The following SNTB1 variants were observed in gnomAD, a reference collection of about 807,000 sequenced individuals.
The protein encoded by SNTB1 is beta-1-syntrophin.
In SNTB1, 36 loss-of-function variants were observed where a neutral mutation model predicts 48.9. That is an observed-to-expected ratio of 0.74 (90% confidence interval 0.56 to 0.97). SNTB1 has a LOEUF of 0.97. Among genes scored for constraint, SNTB1 ranks in the 50% least tolerant of loss-of-function variants. The probability of loss-of-function intolerance (pLI) is 0.00; values close to 1 mark genes in which losing one functional copy is unlikely to be tolerated. For synonymous variants in SNTB1, 299 were observed against 294.6 expected, an observed-to-expected ratio of 1.01 and a Z score of -0.15; for missense variants, 786 against 703.4, an observed-to-expected ratio of 1.12 and a Z score of -1.33.
chr8:120,588,273 C>T (rs1816181156), intron 3 of SNTB1, among the ~76,000 whole-genome samples: 1 of 152,092 alleles, frequency 6.6e-6, no homozygotes, highest in African/African-American at 2.4e-5. Context: ...CCTAAACTCA[C>T]GGCCTGGCAT....
At chr8:120,546,581 T>G (rs1815384318) in intron 5 of SNTB1, among the ~76,000 whole-genome samples, 1 of 152,138 alleles carries the variant, frequency 6.6e-6, no homozygotes, top group African/African-American at 2.4e-5. Context: ...GTTCAAGCGA[T>G]TTTCCTGCCT....
chr8:120,685,514 A>C (rs1029210053), intron 2 of SNTB1, among the ~76,000 whole-genome samples: 1 of 152,198 alleles, frequency 6.6e-6, no homozygotes, highest in African/African-American at 2.4e-5. Flanking sequence ...AAGGATCAAC[A>C]TAACACAAGG....
At chr8:120,582,339 C>G (rs966384387) in intron 3 of SNTB1, among the ~76,000 whole-genome samples, 1 of 151,842 alleles carries the variant, frequency 6.6e-6, no homozygotes, top group African/African-American at 2.4e-5. Context: ...AGAAAGGATT[C>G]AAGTCAATGG....
At chr8:120,658,728 A>T (rs1332615232) in intron 2 of SNTB1, among the ~76,000 whole-genome samples, 1 of 152,200 alleles carries the variant, frequency 6.6e-6, no homozygotes, top group Non-Finnish European at 1.5e-5. Flanking sequence ...CTCAATGCTG[A>T]TGGCTGCTGA....
chr8:120,547,394 G>C lies in SNTB1; in HGVS notation c.1333+1368C>G, dbSNP rs563082848. 3.1e-3 allele frequency among the ~76,000 whole-genome samples: 476 copies of C among 152,040 alleles called. 2 individuals are homozygous for C. The highest frequency in any genetic ancestry group is 0.014 in the Middle Eastern group (4 of 294). ...ATAGATCACTTGAGGTCAGGAGTTC[G>C]AGACCAGCCTGGCCAACATGGTAAA... On this transcript the variant is annotated intron_variant, in intron 5 of 6. Coordinates refer to ENST00000517992, the MANE Select transcript of SNTB1 (RefSeq NM_021021.4).
chr8:120,727,680 A>T (rs1818783057), intron 1 of SNTB1, among the ~76,000 whole-genome samples: 1 of 152,224 alleles, frequency 6.6e-6, no homozygotes, highest in Non-Finnish European at 1.5e-5. Context: ...GAGAAGATTC[A>T]TGAAAGAGCA....
intron 2 of SNTB1, among the ~76,000 whole-genome samples, chr8:120,665,930 A>C (rs907646766): frequency 1.3e-5 from 2 of 152,188 alleles, no homozygotes; most frequent in African/African-American, 4.8e-5. Flanking sequence ...CAATTCGTCT[A>C]TCTTATTGTC....
intron 1 of SNTB1, among the ~76,000 whole-genome samples, chr8:120,756,180 ATT>A (rs1819314624): frequency 6.6e-6 from 1 of 152,028 alleles, no homozygotes; most frequent in Non-Finnish European, 1.5e-5. Context: ...CTCTTTCCTT[ATT>A]TGTTTTAATT....
intron 1 of SNTB1, among the ~76,000 whole-genome samples, chr8:120,790,682 A>G (rs1820013962): frequency 6.6e-6 from 1 of 151,996 alleles, no homozygotes; most frequent in Admixed American, 6.6e-5. Flanking sequence ...TTACTTAACC[A>G]AGGAGGCAAA....
intron 1 of SNTB1, among the ~76,000 whole-genome samples, chr8:120,713,356 C>A (rs191691609): frequency 1.3e-5 from 2 of 152,312 alleles, no homozygotes; most frequent in East Asian, 1.9e-4. Flanking sequence ...TACCCTCATG[C>A]ACCTTTTCAG....
intron 2 of SNTB1, among the ~76,000 whole-genome samples, chr8:120,660,686 G>A (rs1364281921): frequency 6.6e-6 from 1 of 152,208 alleles, no homozygotes; most frequent in Admixed American, 6.5e-5. Context: ...CTAAGTGTTT[G>A]GCACAAGAAG....
chr8:120,692,373 T>G, intron 2 of SNTB1, among the ~76,000 whole-genome samples: 1 of 152,148 alleles, frequency 6.6e-6, no homozygotes. Context: ...CCACACACAT[T>G]CTAAATAAGG....
intron 1 of SNTB1, among the ~76,000 whole-genome samples, chr8:120,701,575 C>G (rs12156405): frequency 0.36 from 54,444 of 152,148 alleles, 13,451 homozygotes; most frequent in East Asian, 0.67. Context: ...TGTGTCTTCT[C>G]ACTTTTTAAC....
intron 1 of SNTB1, among the ~76,000 whole-genome samples, chr8:120,802,923 A>G (rs1438271356): frequency 6.6e-6 from 1 of 152,114 alleles, no homozygotes; most frequent in Non-Finnish European, 1.5e-5. Context: ...TTAGAAATAA[A>G]TGGAATAGGA....
At chr8:120,682,612 C>T (rs1211055400) in intron 2 of SNTB1, among the ~76,000 whole-genome samples, 1 of 152,172 alleles carries the variant, frequency 6.6e-6, no homozygotes, top group Non-Finnish European at 1.5e-5. Context: ...GCTAACATCA[C>T]CTCTTTTTGT....
intron 1 of SNTB1, among the ~76,000 whole-genome samples, chr8:120,734,263 G>C (rs1563584181): frequency 6.6e-6 from 1 of 151,972 alleles, no homozygotes; most frequent in Non-Finnish European, 1.5e-5. Context: ...GGCCAATATG[G>C]TGAAAATCTG....
At chr8:120,798,333 T>C (rs527725014) in intron 1 of SNTB1, among the ~76,000 whole-genome samples, 2 of 152,130 alleles carry the variant, frequency 1.3e-5, no homozygotes, top group South Asian at 2.1e-4. Flanking sequence ...CTGTAGGCTG[T>C]ACACCAGTGC....
intron 3 of SNTB1, among the ~76,000 whole-genome samples, chr8:120,622,762 T>C (rs1408296180): frequency 6.6e-6 from 1 of 152,204 alleles, no homozygotes; most frequent in Non-Finnish European, 1.5e-5. Flanking sequence ...CTGCTGGAAT[T>C]CCTCCCCTCA....
chr8:120,550,435 G>A (rs144950995), intron 4 of SNTB1, among the ~76,000 whole-genome samples: 25 of 151,954 alleles, frequency 1.6e-4, no homozygotes, highest in South Asian at 8.3e-4. Flanking sequence ...CCAGCTACTC[G>A]GCAGGCTGAA....
Sources: allele counts gnomAD v4.1 joint callset (sites outside exome capture counted in the v4.1 genomes callset), GRCh38; gene constraint gnomAD v4.1.1; transcripts MANE v1.5; gene names NCBI Gene and HGNC (gene_info 2026-07-23, HGNC 2026-07-21).